The following TEX12 variants were observed in gnomAD, a reference collection of about 807,000 sequenced individuals.
TEX12 encodes testis-expressed protein 12.
In TEX12, 7 loss-of-function variants were observed where a neutral mutation model predicts 14.6. That is an observed-to-expected ratio of 0.48 (90% CI 0.27 to 0.90). The LOEUF (loss-of-function observed/expected upper bound fraction) is 0.90. Ranked by LOEUF, TEX12 falls within the 40% of genes least tolerant of loss-of-function variation. The pLI, the probability that TEX12 is intolerant of heterozygous loss-of-function variation, is 0.12. For synonymous variants in TEX12, 57 were observed against 49.1 expected (o/e 1.16, Z -0.67); for missense variants, 121 against 135.7 (o/e 0.89, Z 0.54).
chr11:112,169,153 AAATTAACATCAG>A, intron 1 of TEX12, 88 bp from the exon 2 acceptor site: 1 of 776,132 alleles, frequency 1.3e-6, no homozygotes, highest in Non-Finnish European at 2.2e-6. Flanking sequence ...ATGACAGTCT[AAATTAACATCAG>A]CAGTAGGAGT....
chr11:112,169,224 TA>T, intron 1 of TEX12, 28 bp from the exon 2 acceptor site: 1 of 1,508,704 alleles, frequency 6.6e-7, no homozygotes, highest in Non-Finnish European at 9.2e-7. Context: ...AGTTTGTACC[TA>T]AATCTGGCAT....
chr11:112,168,656 A>ATT (rs1173952529), intron 1 of TEX12, among the ~76,000 whole-genome samples: 1 of 151,702 alleles, frequency 6.6e-6, no homozygotes, highest in Non-Finnish European at 1.5e-5. Flanking sequence ...GGTTCAAGCG[A>ATT]TTCTCTCACC....
chr11:112,167,633 C>T (rs1218814107), intron 1 of TEX12, 146 bp downstream of exon 1: 1 of 152,506 alleles, frequency 6.6e-6, no homozygotes, highest in Non-Finnish European at 1.5e-5. Context: ...AGGGAGAAGA[C>T]TAGAAGGAGA....
chr11:112,169,001 A>G (rs962996712), intron 1 of TEX12, among the ~76,000 whole-genome samples: 1 of 152,352 alleles, frequency 6.6e-6, no homozygotes, highest in East Asian at 1.9e-4. Flanking sequence ...AGGCCATATC[A>G]TGGAATTTCA....
intron 1 of TEX12, 59 bp from the exon 2 acceptor site, chr11:112,169,194 C>A: frequency 8.7e-7 from 1 of 1,146,404 alleles, no homozygotes; most frequent in Non-Finnish European, 1.3e-6. Flanking sequence ...GGGAAGGATT[C>A]CAGAGAGCTT....
At chr11:112,171,634 G>T in intron 4 of TEX12, 138 bp from the exon 5 acceptor site, 1 of 528,294 alleles carries the variant, frequency 1.9e-6, no homozygotes, top group Non-Finnish European at 3.0e-6. Flanking sequence ...TTTCTGAAGA[G>T]TATTAGTAAA....
rs532812476 is a variant in TEX12, at chr11:112,170,786, T to C, written c.227+112T>C. The C allele has an allele frequency of 2.2e-5, 17 of 784,344 alleles. No individual in the cohort carries two copies. In the Admixed American group the frequency reaches 3.6e-4, roughly 17 times the overall value. The allele number at this position is 784,344 out of a possible 1,614,324, so 48.6% of individuals were successfully genotyped here. ...CAAACCTCTCCAGTAATTAAAACTT[T>C]GGAATTTTTTATTCTACCTCAGTCC... On this transcript the variant is annotated intron_variant, in intron 4 of 4. Transcript: ENST00000280358.
intron 1 of TEX12, among the ~76,000 whole-genome samples, chr11:112,168,546 T>C (rs1866752842): frequency 6.6e-6 from 1 of 152,044 alleles, no homozygotes; most frequent in South Asian, 2.1e-4. Flanking sequence ...TTTGTGAAGA[T>C]AGAAGAATCC....
At chr11:112,170,768 CT>C (rs1866781490) in intron 4 of TEX12, 94 bp downstream of exon 4, 1 of 946,946 alleles carries the variant, frequency 1.1e-6, no homozygotes. Context: ...TGCCAAACCT[CT>C]CCAGTAATTA....
At position 112,171,991 on chromosome 11, in the gene TEX12, A is replaced by C; in HGVS notation, c.*75A>C. The stretch of plus-strand genomic sequence containing the variant: ...GAAAGAATGACATTTATGCTTTGAA[A>C]GCTCTCGAGTTGTTAAAGAAAATGT... On this transcript the variant is annotated 3_prime_UTR_variant, in exon 5 of 5. Coordinates refer to ENST00000280358, the MANE Select transcript of TEX12 (RefSeq NM_031275.4). 1 of 1,187,864 alleles carries C rather than the reference A, an allele frequency of 8.4e-7. No individual in the cohort carries two copies. Among genetic ancestry groups the C allele is most frequent in the South Asian group, 2.6e-5 (1 of 37,818 alleles). The allele number at this position is 1,187,864 out of a possible 1,614,324, so 73.6% of individuals were successfully genotyped here.
At chr11:112,171,695 A>C in intron 4 of TEX12, 77 bp from the exon 5 acceptor site, 5 of 908,144 alleles carry the variant, frequency 5.5e-6, no homozygotes, top group Non-Finnish European at 7.7e-6. Context: ...TAGTTAACAA[A>C]TATTGTGTAA....
At position 112,171,971 on chromosome 11, in the gene TEX12, AATGACATTT is replaced by A. The variant is rs1866796878; in HGVS notation, c.*59_*67del. On this transcript the variant is annotated 3_prime_UTR_variant, in exon 5 of 5. Transcript: ENST00000280358. ...AAACCTATTATTGTTATAATGAAAGAATGACATTTATGCTTTGAAAGCTCTCGAGTTGTT... is the reference window on the plus strand; with the variant it reads ...AAACCTATTATTGTTATAATGAAAGAATGCTTTGAAAGCTCTCGAGTTGTT... The A allele has an allele frequency of 1.5e-6, 2 of 1,293,048 alleles. No homozygotes were observed. 80.1% of individuals were successfully genotyped at this position (1,293,048 alleles called of 1,614,324 possible). A position where few individuals can be genotyped will look rare whatever the true frequency, so the allele number is the denominator to read the frequency against.
intron 1 of TEX12, among the ~76,000 whole-genome samples, chr11:112,168,469 T>A (rs1206334917): frequency 6.6e-6 from 1 of 152,194 alleles, no homozygotes; most frequent in African/African-American, 2.4e-5. Context: ...TCACTGTCCC[T>A]GTTTTCTCAC....
chr11:112,170,731 C>G lies in TEX12; in HGVS notation c.227+57C>G, dbSNP rs181224832. 2.6e-4 allele frequency: 366 copies of G among 1,404,304 alleles called. 1 individual carries two copies. In the African/African-American group the frequency reaches 4.8e-3, roughly 18 times the overall value. The allele number at this position is 1,404,304 out of a possible 1,614,324, so 87.0% of individuals were successfully genotyped here. ...TTATGTTAGTTTTCTTCTGGAAACT[C>G]TGTATTGGGAAGTTTAATTCTGTGG... On this transcript the variant is annotated intron_variant, in intron 4 of 4. Transcript: ENST00000280358.
chr11:112,168,709 G>T (rs1377917991), intron 1 of TEX12, among the ~76,000 whole-genome samples: 2 of 152,056 alleles, frequency 1.3e-5, no homozygotes, highest in Non-Finnish European at 2.9e-5. Flanking sequence ...CTGCCACCAC[G>T]CCTGGCTAAT....
In TEX12 at chr11:112,167,502, A is replaced by G. The variant is rs949840668; in HGVS notation, c.-17+15A>G. 6.6e-6 allele frequency: 1 copy of G among 152,470 alleles called. No individual in the cohort carries two copies. Among genetic ancestry groups the G allele is most frequent in the African/African-American group, 2.4e-5 (1 of 41,426 alleles). The allele number at this position is 152,470 out of a possible 1,614,324, so 9.4% of individuals were successfully genotyped here. A position where few individuals can be genotyped will look rare whatever the true frequency, so the allele number is the denominator to read the frequency against. On this transcript the variant is annotated intron_variant, in intron 1 of 4. Coordinates refer to ENST00000280358, the MANE Select transcript of TEX12 (RefSeq NM_031275.4). ...CACAAGGAAGGGTGCGAGGATGGAA[A>G]CTTCCTCTGAGGGGCTCTAGTGGGG...
intron 1 of TEX12, 131 bp from the exon 2 acceptor site, chr11:112,169,122 A>G (rs915187836): frequency 1.1e-4 from 72 of 665,800 alleles, no homozygotes; most frequent in Non-Finnish European, 1.8e-4. Flanking sequence ...GGAGAAATTG[A>G]GTTTAGGAAA....
At position 112,170,679 on chromosome 11, in the gene TEX12, G is replaced by A; in HGVS notation, c.227+5G>A. 6.2e-7 allele frequency: 1 copy of A among 1,602,104 alleles called. No homozygotes were observed. Among genetic ancestry groups the A allele is most frequent in the Non-Finnish European group, 8.5e-7 (1 of 1,170,116 alleles). On this transcript the variant is annotated splice_donor_5th_base_variant and intron_variant, in intron 4 of 4. Coordinates refer to ENST00000280358, the MANE Select transcript of TEX12 (RefSeq NM_031275.4). ...TACCTATGCAAAGCTTTTAAGGCAA[G>A]TACTTATAGTATATTCTCTGGGGTC...
intron 1 of TEX12, among the ~76,000 whole-genome samples, chr11:112,169,015 T>A (rs1382257122): frequency 1.3e-5 from 2 of 152,222 alleles, no homozygotes; most frequent in Non-Finnish European, 2.9e-5. Context: ...AATTTCAACT[T>A]ATTCTGGAAC....
Sources: allele counts gnomAD v4.1 joint callset (sites outside exome capture counted in the v4.1 genomes callset), GRCh38; gene constraint gnomAD v4.1.1; transcripts MANE v1.5; gene names NCBI Gene and HGNC (gene_info 2026-07-23, HGNC 2026-07-21).